The following MGST1 variants were observed in gnomAD, a reference collection of about 807,000 sequenced individuals.
MGST1 encodes the protein glutathione S-transferase 12.
A neutral mutation model predicts 8.9 loss-of-function variants in MGST1; 5 were observed. That is an observed-to-expected ratio of 0.56 (90% confidence interval 0.29 to 1.19). The LOEUF (loss-of-function observed/expected upper bound fraction) is 1.19, where lower values mean the gene tolerates loss of function less well. Among genes scored for constraint, MGST1 ranks in the 50% most tolerant of loss-of-function variants. The probability of loss-of-function intolerance (pLI) is 0.08; values close to 1 mark genes in which losing one functional copy is unlikely to be tolerated. For synonymous variants in MGST1, 54 were observed against 67.8 expected (o/e 0.80, Z 1.00); for missense variants, 182 against 187.4 (o/e 0.97, Z 0.17).
chr12:16,493,053 C>A (rs2137158479), intron 4 of MGST1, among the ~76,000 whole-genome samples: 1 of 152,278 alleles, frequency 6.6e-6, no homozygotes, highest in South Asian at 2.1e-4. Flanking sequence ...CCAATCAGAG[C>A]TCTCCCCAGG....
In MGST1 at chr12:16,576,363, A is replaced by G. The variant is rs1290939919; in HGVS notation, n.483-13165A>G. Among the ~76,000 whole-genome samples the G allele has an allele frequency of 2.0e-5, 3 of 152,060 alleles. No homozygotes were observed. The highest frequency in any genetic ancestry group is 2.9e-5 in the Non-Finnish European group (2 of 68,010). On this transcript the variant is annotated intron_variant and non_coding_transcript_variant, in intron 4 of 4. Transcript: ENST00000538857. The surrounding 1 kb of genome is among the most constrained non-coding windows in gnomAD (Gnocchi z 4.1). ...TGTCTACTCCCTGGACTCAGCATCT[A>G]CTTTCACACCTGATGTCCTACCACT...
At chr12:16,366,045 T>TG (rs1425391308), downstream of MGST1, among the ~76,000 whole-genome samples, 1 of 152,236 alleles carries the variant, frequency 6.6e-6, no homozygotes, top group East Asian at 1.9e-4. This position sits in a 1 kb window ranked among gnomAD's most constrained non-coding sequence, Gnocchi z 4.0. Context: ...CACTTGGTGA[T>TG]GCTTCTCTGA....
chr12:16,588,276 C>T (rs923099157), intron 4 of MGST1, among the ~76,000 whole-genome samples: 9 of 151,748 alleles, frequency 5.9e-5, no homozygotes, highest in African/African-American at 2.2e-4. Flanking sequence ...AAGGTGTGCA[C>T]TCAAATTTCT....
downstream of MGST1, among the ~76,000 whole-genome samples, chr12:16,439,907 C>G (rs1309334462): frequency 6.6e-6 from 1 of 151,776 alleles, no homozygotes; most frequent in Non-Finnish European, 1.5e-5. Context: ...CAGCACTCTC[C>G]TGTTTCATTT....
intron 4 of MGST1, among the ~76,000 whole-genome samples, chr12:16,551,593 C>T (rs1385429174): frequency 5.1e-5 from 7 of 136,016 alleles, no homozygotes; most frequent in African/African-American, 1.1e-4. Flanking sequence ...AGATGACTTG[C>T]TTTTTTTTTT....
chr12:16,355,863 C>T (rs1007476372), intron 2 of MGST1, among the ~76,000 whole-genome samples: 2 of 152,252 alleles, frequency 1.3e-5, no homozygotes, highest in South Asian at 2.1e-4. Context: ...TACAAAATGC[C>T]ATAGACTGGG....
rs986947679 is a variant in MGST1 at position 16,548,133 on chromosome 12, C to A, written n.483-41395C>A. Among the ~76,000 whole-genome samples the A allele has an allele frequency of 1.3e-5, 2 of 152,142 alleles. No homozygotes were observed. Among genetic ancestry groups the A allele is most frequent in the Admixed American group, 6.5e-5 (1 of 15,268 alleles). On this transcript the variant is annotated intron_variant and non_coding_transcript_variant, in intron 4 of 4. Transcript: ENST00000538857. This position sits in a 1 kb window ranked among gnomAD's most constrained non-coding sequence, Gnocchi z 4.2. ...TATAAATGTGCAAAATTACACCCAGCAATTGCTACCTTCATTTTTGAGAGT... is the reference window on the plus strand; with the variant it reads ...TATAAATGTGCAAAATTACACCCAGAAATTGCTACCTTCATTTTTGAGAGT...
downstream of MGST1, among the ~76,000 whole-genome samples, chr12:16,368,123 A>G (rs758858632): frequency 2.6e-4 from 40 of 152,146 alleles, no homozygotes; most frequent in Non-Finnish European, 5.0e-4. Context: ...ACCCCTAAGC[A>G]CTGCTGACTG....
intron 4 of MGST1, among the ~76,000 whole-genome samples, chr12:16,529,454 AC>A (rs568920107): frequency 1.2e-3 from 181 of 152,246 alleles, no homozygotes; most frequent in African/African-American, 4.1e-3. Flanking sequence ...AGAATTAAAT[AC>A]CACCCCTTCA....
chr12:16,361,702 C>T lies in MGST1; in HGVS notation c.222-2093C>T, dbSNP rs1027480606. Reference sequence around the variant, plus strand: ...CTGGAACAGAGTCTCAAAAGAAGTACAAAATACAGCATAAATTGGCATAAG... The same window carrying T: ...CTGGAACAGAGTCTCAAAAGAAGTATAAAATACAGCATAAATTGGCATAAG... On this transcript the variant is annotated intron_variant, in intron 3 of 3. Coordinates refer to ENST00000396210, the MANE Select transcript of MGST1 (RefSeq NM_020300.5). The surrounding 1 kb of genome is among the most constrained non-coding windows in gnomAD (Gnocchi z 4.2). Among the ~76,000 whole-genome samples, 92 of 152,132 alleles carry T rather than the reference C, an allele frequency of 6.0e-4. 1 individual carries two copies. Among genetic ancestry groups the T allele is most frequent in the African/African-American group, 2.2e-3 (90 of 41,518 alleles).
intron 1 of MGST1, among the ~76,000 whole-genome samples, chr12:16,352,491 G>C (rs1419716693): frequency 6.6e-6 from 1 of 152,186 alleles, no homozygotes; most frequent in Non-Finnish European, 1.5e-5. Flanking sequence ...GAAAAGTTGT[G>C]TGTGTTCTGT....
In MGST1 at chr12:16,411,004, A is replaced by G. The variant is rs373400701; in HGVS notation, n.779-26384A>G. On this transcript the variant is annotated intron_variant and non_coding_transcript_variant, in intron 1 of 1. Coordinates refer to the MGST1 transcript ENST00000359720. Reference sequence around the variant, plus strand: ...TACCTTTCCCTCTGCCTGCAATGCTATGCTTCCTGCTCCACTCCCACTTAG... The same window carrying G: ...TACCTTTCCCTCTGCCTGCAATGCTGTGCTTCCTGCTCCACTCCCACTTAG... Among the ~76,000 whole-genome samples the G allele has an allele frequency of 4.6e-5, 7 of 152,056 alleles. No homozygotes were observed. The East Asian group carries it at 7.7e-4, about 17-fold the overall frequency.
intron 4 of MGST1, among the ~76,000 whole-genome samples, chr12:16,558,100 C>A (rs1591772359): frequency 6.6e-6 from 1 of 152,008 alleles, no homozygotes; most frequent in South Asian, 2.1e-4. Flanking sequence ...AAAAAAGGCA[C>A]AAAATATAAA....
chr12:16,515,200 A>G (rs1311689054), intron 4 of MGST1, among the ~76,000 whole-genome samples: 1 of 152,204 alleles, frequency 6.6e-6, no homozygotes, highest in East Asian at 1.9e-4. Context: ...CAAGGAAAAT[A>G]TGCAGATTCC....
chr12:16,549,102 A>T (rs1941892291), intron 4 of MGST1: 2 of 152,152 alleles, frequency 1.3e-5, no homozygotes, highest in Admixed American at 1.3e-4. Flanking sequence ...TTTTACATCC[A>T]TGTGAATTTC....
intron 1 of MGST1, among the ~76,000 whole-genome samples, chr12:16,402,598 G>A (rs1940667171): frequency 6.6e-6 from 1 of 151,898 alleles, no homozygotes; most frequent in East Asian, 1.9e-4. Context: ...TCTGTTTATT[G>A]TTGTGTTATA....
At chr12:16,431,679 TATAATA>T (rs1187237572) in intron 1 of MGST1, among the ~76,000 whole-genome samples, 3 of 152,050 alleles carry the variant, frequency 2.0e-5, no homozygotes, top group African/African-American at 4.8e-5. Flanking sequence ...TCACAGCAGA[TATAATA>T]ATAATAAAAC....
chr12:16,427,361 A>C (rs11611893), intron 1 of MGST1, among the ~76,000 whole-genome samples: 69,302 of 151,990 alleles, frequency 0.46, 16,120 homozygotes, highest in Non-Finnish European at 0.52. Flanking sequence ...TATAGAAAGC[A>C]ATAGGCATTT....
intron 1 of MGST1, among the ~76,000 whole-genome samples, chr12:16,408,735 T>A (rs1352159001): frequency 6.6e-6 from 1 of 152,190 alleles, no homozygotes; most frequent in African/African-American, 2.4e-5. Context: ...TTTTACTACT[T>A]CTAGATCTCT....
Sources: allele counts gnomAD v4.1 joint callset (sites outside exome capture counted in the v4.1 genomes callset), GRCh38; gene constraint gnomAD v4.1.1; non-coding constraint Gnocchi (gnomAD v3.1); transcripts MANE v1.5; gene names NCBI Gene and HGNC (gene_info 2026-07-23, HGNC 2026-07-21).